Variants in FOXP2 observed in about 807,000 individuals in gnomAD.
The protein encoded by FOXP2 is forkhead box protein P2.
In FOXP2, 12 loss-of-function variants were observed where a neutral mutation model predicts 115.8. The observed-to-expected ratio is 0.10, with a 90% confidence interval of 0.07 to 0.17. FOXP2 has a LOEUF of 0.17. Ranked by LOEUF, FOXP2 falls within the 10% of genes least tolerant of loss-of-function variation. The probability of loss-of-function intolerance (pLI) is 1.00; values close to 1 mark genes in which losing one functional copy is unlikely to be tolerated. For missense variants in FOXP2, 629 were observed against 843.5 expected (o/e 0.75, Z 3.15); for synonymous variants, 328 against 297.7 (o/e 1.10, Z -1.05).
At chr7:114,547,422 G>A (rs996426770) in intron 3 of FOXP2, among the ~76,000 whole-genome samples, 1 of 151,984 alleles carries the variant, frequency 6.6e-6, no homozygotes, top group Admixed American at 6.6e-5. Context: ...TTTCACTAGG[G>A]AACCGGAAGT....
At chr7:114,270,604 T>A (rs552366023) in intron 1 of FOXP2, among the ~76,000 whole-genome samples, 2 of 152,332 alleles carry the variant, frequency 1.3e-5, no homozygotes, top group East Asian at 3.9e-4. Flanking sequence ...TTGCCATCTG[T>A]GTATCTTCTT....
At chr7:114,474,743 A>G (rs1796183812) in intron 2 of FOXP2, among the ~76,000 whole-genome samples, 1 of 152,156 alleles carries the variant, frequency 6.6e-6, no homozygotes, top group Non-Finnish European at 1.5e-5. Flanking sequence ...TCCATGCAGT[A>G]ATTCAATACC....
At chr7:114,420,077 G>A (rs1421054019) in intron 1 of FOXP2, among the ~76,000 whole-genome samples, 6 of 152,030 alleles carry the variant, frequency 3.9e-5, no homozygotes, top group Admixed American at 2.0e-4. Flanking sequence ...AGGAAAAACA[G>A]CAAGGGATCC....
At chr7:114,120,323 A>C (rs1473792104) in intron 1 of FOXP2, among the ~76,000 whole-genome samples, 2 of 152,148 alleles carry the variant, frequency 1.3e-5, no homozygotes, top group Non-Finnish European at 1.5e-5. Context: ...TGGATTACTT[A>C]AGAGTTTTGT....
intron 1 of FOXP2, among the ~76,000 whole-genome samples, chr7:114,225,846 C>T (rs1432252871): frequency 3.3e-5 from 5 of 152,134 alleles, no homozygotes; most frequent in Non-Finnish European, 7.4e-5. Context: ...TTCTTCCACC[C>T]TACCTTGTAG....
At chr7:114,335,398 C>T (rs530117361) in intron 2 of FOXP2, among the ~76,000 whole-genome samples, 1 of 151,786 alleles carries the variant, frequency 6.6e-6, no homozygotes, top group East Asian at 1.9e-4. Flanking sequence ...ATTTAGATCA[C>T]AAAGAAACAA....
At chr7:114,630,048 A>C in intron 5 of FOXP2, 43 bp downstream of exon 5, 1 of 1,603,224 alleles carries the variant, frequency 6.2e-7, no homozygotes, top group Admixed American at 1.7e-5. Flanking sequence ...GTTTGCAGTT[A>C]AGAAGGGGCT....
chr7:114,527,102 T>C (rs1398307025), intron 2 of FOXP2, among the ~76,000 whole-genome samples: 1 of 152,028 alleles, frequency 6.6e-6, no homozygotes, highest in Non-Finnish European at 1.5e-5. Flanking sequence ...TAGCATAATG[T>C]TTTCAAGGTT....
intron 2 of FOXP2, among the ~76,000 whole-genome samples, chr7:114,482,908 C>G (rs1796620925): frequency 1.3e-5 from 2 of 151,664 alleles, no homozygotes; most frequent in East Asian, 1.9e-4. Flanking sequence ...AATTTCTAGA[C>G]TGAAATTACT....
chr7:114,194,506 C>T (rs781453872), intron 1 of FOXP2, among the ~76,000 whole-genome samples: 1 of 151,668 alleles, frequency 6.6e-6, no homozygotes, highest in Admixed American at 6.6e-5. Flanking sequence ...TAAGACCTAC[C>T]ATGCTTACCC....
chr7:114,676,075 A>ATTTTTTTTTTTTTT (rs11327459), intron 16 of FOXP2, among the ~76,000 whole-genome samples: 111 of 89,550 alleles, frequency 1.2e-3, no homozygotes, highest in South Asian at 1.7e-3. Flanking sequence ...AGGCCCGGCT[A>ATTTTTTTTTTTTTT]TTTTTTTTTT....
intron 1 of FOXP2, among the ~76,000 whole-genome samples, chr7:114,130,150 C>T (rs575712730): frequency 6.6e-6 from 1 of 151,898 alleles, no homozygotes; most frequent in East Asian, 1.9e-4. Context: ...CCCATCTCTA[C>T]CAAAAAATAA....
At chr7:114,601,139 T>A (rs1181364610) in intron 3 of FOXP2, among the ~76,000 whole-genome samples, 3 of 152,140 alleles carry the variant, frequency 2.0e-5, no homozygotes, top group African/African-American at 7.2e-5. Context: ...CTAATTTTTG[T>A]ATTTTTAGTA....
In FOXP2 at chr7:114,693,174, T is replaced by C; in HGVS notation, c.*3248T>C. 2.2e-6 allele frequency: 1 copy of C among 453,670 alleles called. No individual in the cohort carries two copies. The highest frequency in any genetic ancestry group is 4.4e-6 in the Non-Finnish European group (1 of 226,606). 28.1% of individuals were successfully genotyped at this position (453,670 alleles called of 1,614,324 possible). A position where few individuals can be genotyped will look rare whatever the true frequency, so the allele number is the denominator to read the frequency against. ...ATCAATTAAAATTTTATGTGAATGT[T>C]ACAAGTATTTGGTAGAATTACCACT... On this transcript the variant is annotated 3_prime_UTR_variant, in exon 17 of 17. Transcript: ENST00000350908.
At chr7:114,382,681 T>A (rs986163606) in intron 2 of FOXP2, among the ~76,000 whole-genome samples, 3 of 152,088 alleles carry the variant, frequency 2.0e-5, no homozygotes, top group African/African-American at 7.2e-5. Flanking sequence ...TCAATAGGGT[T>A]TCTAAGTTTT....
intron 2 of FOXP2, among the ~76,000 whole-genome samples, chr7:114,358,700 G>C (rs1421692708): frequency 6.6e-6 from 1 of 152,158 alleles, no homozygotes; most frequent in Non-Finnish European, 1.5e-5. Context: ...CCCTGCCCTA[G>C]AGATCTATGG....
intron 1 of FOXP2, among the ~76,000 whole-genome samples, chr7:114,186,534 G>A (rs985113306): frequency 1.4e-5 from 1 of 71,052 alleles, no homozygotes; most frequent in African/African-American, 2.7e-5. Context: ...CAAGGCCTTA[G>A]GCATCCCTAC....
chr7:114,626,391 T>G (rs553373954), intron 3 of FOXP2, among the ~76,000 whole-genome samples: 1 of 151,824 alleles, frequency 6.6e-6, no homozygotes, highest in South Asian at 2.1e-4. Flanking sequence ...TCACTTATCA[T>G]TATACATAAA....
Position 114,676,498 on chromosome 7 carries a change from G to A in FOXP2, c.2003+12062G>A, listed in dbSNP as rs75358920. ...AATCAGTTTCCATAATAAAATTGAA[G>A]CATCAGAGTCCTAACACTGTTTGTG... On this transcript the variant is annotated intron_variant, in intron 16 of 16. Coordinates refer to ENST00000350908, the MANE Select transcript of FOXP2 (RefSeq NM_014491.4). Among the ~76,000 whole-genome samples, 378 of 152,240 alleles carry A rather than the reference G, an allele frequency of 2.5e-3. 2 individuals carry two copies. Among genetic ancestry groups the A allele is most frequent in the African/African-American group, 8.6e-3 (357 of 41,544 alleles).
Sources: gnomAD v4.1 joint callset for allele counts (sites outside exome capture counted in the v4.1 genomes callset) on GRCh38, gnomAD v4.1.1 for gene constraint, MANE v1.5 for transcripts, NCBI Gene and HGNC (gene_info 2026-07-23, HGNC 2026-07-21) for gene names.